Variants in CDH4 observed in about 807,000 individuals in gnomAD.
CDH4 encodes the protein cadherin 4, also known as cadherin-4.
In CDH4, 33 loss-of-function variants were observed where a neutral mutation model predicts 86.0. The ratio of observed to expected loss-of-function variants is 0.38; its 90% CI spans 0.29 to 0.51. CDH4 has a LOEUF of 0.51. CDH4 is among the 20% of genes least tolerant of loss of function. The pLI is 0.86. For synonymous variants in CDH4, 555 were observed against 549.4 expected, an observed-to-expected ratio of 1.01 and a Z score of -0.14; for missense variants, 1,114 against 1,307.4, an observed-to-expected ratio of 0.85 and a Z score of 2.28.
chr20:61,810,130 G>A lies in CDH4; in HGVS notation c.577-34538G>A, dbSNP rs1314776680. Among the ~76,000 whole-genome samples the A allele has an allele frequency of 6.6e-6, 1 of 152,206 alleles. No homozygotes were observed. Among genetic ancestry groups the A allele is most frequent in the Non-Finnish European group, 1.5e-5 (1 of 68,034 alleles). ...ACCTGGACGGGCCTCAGCCGGGGTG[G>A]GGTGGGGGGCACCTGAGCCTAGACC... On this transcript the variant is annotated intron_variant, in intron 4 of 15. Coordinates refer to ENST00000614565, the MANE Select transcript of CDH4 (RefSeq NM_001794.5). This position sits in a 1 kb window ranked among gnomAD's most constrained non-coding sequence, Gnocchi z 4.3.
chr20:61,473,739 A>G (rs1418523641), intron 2 of CDH4, among the ~76,000 whole-genome samples: 3 of 152,046 alleles, frequency 2.0e-5, no homozygotes, highest in Non-Finnish European at 2.9e-5. Flanking sequence ...GCACACATAC[A>G]CACACACAGA....
At position 61,934,109 on chromosome 20, in the gene CDH4, C is replaced by T. The variant is rs769337493; in HGVS notation, c.2433C>T (p.Ser811=). The change falls in exon 15 of 16, where the codon AGC becomes AGT. Residue 811 remains serine, a synonymous_variant. Coordinates refer to ENST00000614565, the MANE Select transcript of CDH4 (RefSeq NM_001794.5). ...QQPEAMGHVP[S]KAPGVRRVDE... ...CGGAAGCCATGGGGCACGTGCCAAGCAAAGCCCCTGGCGTGCGTCGCGTGG... is the reference window on the plus strand; with the variant it reads ...CGGAAGCCATGGGGCACGTGCCAAGTAAAGCCCCTGGCGTGCGTCGCGTGG... 1 of 1,611,538 alleles carries T rather than the reference C, an allele frequency of 6.2e-7. No individual in the cohort carries two copies. Among genetic ancestry groups the T allele is most frequent in the Admixed American group, 1.7e-5 (1 of 59,986 alleles).
intron 2 of CDH4, among the ~76,000 whole-genome samples, chr20:61,732,522 G>T (rs2088204302): frequency 6.6e-6 from 1 of 152,194 alleles, no homozygotes; most frequent in Non-Finnish European, 1.5e-5. Flanking sequence ...CCAGGGCCTT[G>T]CACTGTCTGT....
intron 2 of CDH4, among the ~76,000 whole-genome samples, chr20:61,362,332 C>G (rs1358476463): frequency 6.6e-6 from 1 of 151,968 alleles, no homozygotes; most frequent in Admixed American, 6.6e-5. Context: ...TGGCCTAGGA[C>G]AGCGTAGTGG....
intron 6 of CDH4, among the ~76,000 whole-genome samples, chr20:61,862,209 A>G (rs11697658): frequency 0.3 from 45,270 of 152,090 alleles, 8,472 homozygotes; most frequent in Non-Finnish European, 0.42. Flanking sequence ...AGAGTCACTC[A>G]GGTGGCTGTT....
intron 2 of CDH4, among the ~76,000 whole-genome samples, chr20:61,521,531 C>A (rs916037140): frequency 6.6e-6 from 1 of 152,178 alleles, no homozygotes; most frequent in African/African-American, 2.4e-5. Context: ...CACTCACTCT[C>A]CAGGGGGCCG....
intron 4 of CDH4, among the ~76,000 whole-genome samples, chr20:61,790,549 A>G (rs1485381847): frequency 2.9e-5 from 4 of 139,338 alleles, no homozygotes; most frequent in East Asian, 2.2e-4. Context: ...CCATCCATCT[A>G]CCTACCCACC....
chr20:61,618,043 G>A lies in CDH4; in HGVS notation c.170-125520G>A, dbSNP rs190209571. Among the ~76,000 whole-genome samples, 507 of 152,200 alleles carry A rather than the reference G, an allele frequency of 3.3e-3. 3 individuals carry two copies. Among genetic ancestry groups the A allele is most frequent in the African/African-American group, 3.0e-3 (126 of 41,546 alleles). ...GCCTTTCACCTTCTGCCACGATTGCGAGGCCTCCCCAGCCATGTGGAACTG... is the reference window on the plus strand; with the variant it reads ...GCCTTTCACCTTCTGCCACGATTGCAAGGCCTCCCCAGCCATGTGGAACTG... On this transcript the variant is annotated intron_variant, in intron 2 of 15. Transcript: ENST00000614565.
intron 2 of CDH4, among the ~76,000 whole-genome samples, chr20:61,349,018 G>C (rs2084695056): frequency 6.6e-6 from 1 of 152,220 alleles, no homozygotes. Context: ...GCCACATTGT[G>C]CCGCAATTGT....
chr20:61,312,373 T>C (rs2084451382), intron 2 of CDH4, among the ~76,000 whole-genome samples: 1 of 151,708 alleles, frequency 6.6e-6, no homozygotes, highest in Non-Finnish European at 1.5e-5. Flanking sequence ...TGTATGCATA[T>C]GTGTGGCATG....
chr20:61,827,601 A>G (rs995687204), intron 4 of CDH4, among the ~76,000 whole-genome samples: 1 of 152,226 alleles, frequency 6.6e-6, no homozygotes, highest in Admixed American at 6.5e-5. Context: ...TCCTAGCTCT[A>G]TCCATTATAG....
Position 61,844,656 on chromosome 20 carries a change from C to T in CDH4, c.577-12C>T. The T allele has an allele frequency of 6.2e-7, 1 of 1,606,016 alleles. No homozygotes were observed. The highest frequency in any genetic ancestry group is 1.1e-5 in the South Asian group (1 of 90,242). On this transcript the variant is annotated splice_polypyrimidine_tract_variant and intron_variant, in intron 4 of 15. Coordinates refer to ENST00000614565, the MANE Select transcript of CDH4 (RefSeq NM_001794.5). ...CAGGATAACCTCTTCTCGCTTTGCT[C>T]CTGCCTTTCAGATCCGGTCCGACAA...
At chr20:61,537,563 G>A (rs1321585263) in intron 2 of CDH4, among the ~76,000 whole-genome samples, 1 of 152,204 alleles carries the variant, frequency 6.6e-6, no homozygotes, top group South Asian at 2.1e-4. Context: ...CACAAACCTG[G>A]AAGGAAATCG....
At chr20:61,254,680 G>C (rs1299028711) in intron 1 of CDH4, 146 bp from the exon 2 acceptor site, 3 of 654,786 alleles carry the variant, frequency 4.6e-6, no homozygotes, top group Admixed American at 2.3e-5. Flanking sequence ...AGGAGCAGAC[G>C]GGGTATCGCG....
chr20:61,938,461 G>A lies in CDH4; in HGVS notation c.*1518G>A, dbSNP rs1266054754. ...CCCACGTGGGGAAGCCTCGTGCTTG[G>A]TCAGCTTTCTGTCTCTCCCAGGCCA... is the stretch of plus-strand genomic sequence containing the variant. On this transcript the variant is annotated 3_prime_UTR_variant, in exon 16 of 16. Transcript: ENST00000614565. 6.6e-6 allele frequency: 1 copy of A among 152,482 alleles called. No homozygotes were observed. Among genetic ancestry groups the A allele is most frequent in the Non-Finnish European group, 1.5e-5 (1 of 68,226 alleles). The allele number at this position is 152,482 out of a possible 1,614,324, so 9.4% of individuals were successfully genotyped here.
intron 2 of CDH4, among the ~76,000 whole-genome samples, chr20:61,456,739 G>A (rs1171022626): frequency 1.3e-5 from 2 of 152,228 alleles, no homozygotes; most frequent in Non-Finnish European, 2.9e-5. Flanking sequence ...GGAGCTCCGT[G>A]AGGAAGCTTC....
intron 2 of CDH4, among the ~76,000 whole-genome samples, chr20:61,522,377 T>C (rs574259851): frequency 6.6e-6 from 1 of 152,282 alleles, no homozygotes; most frequent in East Asian, 1.9e-4. Context: ...AACTGATGCA[T>C]GAGGAATAGC....
In CDH4 at chr20:61,889,804, G is replaced by T. The variant is rs201163518; in HGVS notation, c.1051-5106G>T. 9.5e-5 allele frequency among the ~76,000 whole-genome samples: 13 copies of T among 137,282 alleles called. No homozygotes were observed. In the South Asian group the frequency reaches 3.2e-3, roughly 34 times the overall value. 90.1% of individuals were successfully genotyped at this position (137,282 alleles called of 152,430 possible). A position where few individuals can be genotyped will look rare whatever the true frequency, so the allele number is the denominator to read the frequency against. On this transcript the variant is annotated intron_variant, in intron 7 of 15. Transcript: ENST00000614565. ...GATGGGTGAGTGGATGGTGGATGGT[G>T]GATGATGGATGGGTGGATGGATGGT...
chr20:61,577,478 C>T (rs76469255), intron 2 of CDH4, among the ~76,000 whole-genome samples: 4,152 of 152,218 alleles, frequency 0.027, 74 homozygotes, highest in Middle Eastern at 0.072. Context: ...GTGTATCGAA[C>T]GATGCATAGA....
Sources: gnomAD v4.1 joint callset for allele counts (sites outside exome capture counted in the v4.1 genomes callset) on GRCh38, gnomAD v4.1.1 for gene constraint, Gnocchi (gnomAD v3.1) non-coding constraint, MANE v1.5 for transcripts, NCBI Gene and HGNC (gene_info 2026-07-23, HGNC 2026-07-21) for gene names.